Variants in BICD1 observed in about 807,000 individuals in gnomAD.
BICD1 encodes the protein protein bicaudal D homolog 1.
Under a neutral mutation model 92.5 loss-of-function variants are expected in BICD1, and 35 were observed. That is an observed-to-expected ratio of 0.38 (90% CI 0.29 to 0.50). The LOEUF is 0.50. Among genes scored for constraint, BICD1 ranks in the 20% least tolerant of loss-of-function variants. The pLI, the probability that BICD1 is intolerant of heterozygous loss-of-function variation, is 0.93. For missense variants in BICD1, 950 were observed against 1,189.8 expected (o/e 0.80, Z 2.97); for synonymous variants, 429 against 465.1 (o/e 0.92, Z 1.00).
chr12:32,327,885 G>A lies in BICD1; in HGVS notation c.1430G>A (p.Gly477Asp). The A allele has an allele frequency of 6.2e-7, 1 of 1,614,192 alleles. No individual in the cohort carries two copies. Among genetic ancestry groups the A allele is most frequent in the South Asian group, 1.1e-5 (1 of 91,078 alleles). ...TSLEKTTKES[G>D]EKMAHMEKEL... Reference sequence around the variant, plus strand: ...CTTGAGAAGACCACCAAGGAGAGTGGTGAGAAGATGGCCCACATGGAGAAG... The same window carrying A: ...CTTGAGAAGACCACCAAGGAGAGTGATGAGAAGATGGCCCACATGGAGAAG... The change falls in exon 5 of 10, where the codon GGT (glycine) becomes GAT (aspartate). Residue 477 changes from glycine (G) to aspartate (D), a missense_variant. By Grantham distance (94) the Gly-to-Asp change is moderately conservative (BLOSUM62 -1). Transcript: ENST00000652176.
chr12:32,126,617 C>T (rs1178757147), intron 1 of BICD1, among the ~76,000 whole-genome samples: 1 of 151,884 alleles, frequency 6.6e-6, no homozygotes, highest in African/African-American at 2.4e-5. Flanking sequence ...ATTAGTTTGG[C>T]ATGGTGATGC....
chr12:32,353,583 A>C (rs1298957420), intron 8 of BICD1: 2 of 152,078 alleles, frequency 1.3e-5, no homozygotes, highest in Non-Finnish European at 2.9e-5. Flanking sequence ...TTAATGATTA[A>C]AAAAAATGAA....
chr12:32,183,492 C>T (rs181003241), intron 1 of BICD1, among the ~76,000 whole-genome samples: 3 of 152,044 alleles, frequency 2.0e-5, no homozygotes, highest in Admixed American at 2.0e-4. Flanking sequence ...GTCTTGAACT[C>T]CTGACCTTGT....
At chr12:32,245,591 C>A (rs1175610334) in intron 2 of BICD1, among the ~76,000 whole-genome samples, 1 of 152,126 alleles carries the variant, frequency 6.6e-6, no homozygotes, top group Non-Finnish European at 1.5e-5. Flanking sequence ...ATGGCCCTGA[C>A]AAGTTACGTG....
chr12:32,209,842 A>G (rs1397073447), intron 1 of BICD1, among the ~76,000 whole-genome samples: 1 of 152,176 alleles, frequency 6.6e-6, no homozygotes, highest in Non-Finnish European at 1.5e-5. Context: ...GTTGCCCTCT[A>G]TCCCTGTCCA....
chr12:32,153,522 C>T (rs890084654), intron 1 of BICD1, among the ~76,000 whole-genome samples: 1 of 152,066 alleles, frequency 6.6e-6, no homozygotes, highest in African/African-American at 2.4e-5. Context: ...AGATGGAGGC[C>T]AAGGCGGGTG....
chr12:32,135,930 C>T (rs1260868), intron 1 of BICD1, among the ~76,000 whole-genome samples: 120,579 of 152,122 alleles, frequency 0.79, 47,898 homozygotes, highest in Middle Eastern at 0.88. Context: ...AGGATGATAG[C>T]GCAGGACTTG....
chr12:32,160,722 A>G (rs1401510283), intron 1 of BICD1, among the ~76,000 whole-genome samples: 1 of 152,238 alleles, frequency 6.6e-6, no homozygotes, highest in Non-Finnish European at 1.5e-5. Context: ...TATTATATAC[A>G]AGGTAGTAAG....
chr12:32,359,572 G>A (rs1185530365), intron 8 of BICD1, among the ~76,000 whole-genome samples: 2 of 152,068 alleles, frequency 1.3e-5, no homozygotes, highest in Non-Finnish European at 2.9e-5. Context: ...ATTCATGAGA[G>A]CAGACCTTTA....
intron 2 of BICD1, among the ~76,000 whole-genome samples, chr12:32,218,868 C>T (rs1367239441): frequency 6.6e-6 from 1 of 152,158 alleles, no homozygotes; most frequent in South Asian, 2.1e-4. Flanking sequence ...CCAGCAGATA[C>T]ATTTTATTTT....
intron 1 of BICD1, among the ~76,000 whole-genome samples, chr12:32,111,073 A>C (rs1321450965): frequency 6.6e-6 from 1 of 152,236 alleles, no homozygotes; most frequent in Non-Finnish European, 1.5e-5. Context: ...TTAGAAAGGA[A>C]TGATTCAGCA....
intron 1 of BICD1, among the ~76,000 whole-genome samples, chr12:32,114,353 A>G (rs979102966): frequency 6.6e-6 from 1 of 151,984 alleles, no homozygotes; most frequent in African/African-American, 2.4e-5. Context: ...GGAAGCGTAC[A>G]TTGCATGATG....
intron 8 of BICD1, among the ~76,000 whole-genome samples, chr12:32,349,260 G>A (rs1938764893): frequency 6.6e-6 from 1 of 152,176 alleles, no homozygotes; most frequent in Non-Finnish European, 1.5e-5. Context: ...TGCCCCCACT[G>A]TAACTACATA....
At chr12:32,182,432 G>A (rs1007202733) in intron 1 of BICD1, among the ~76,000 whole-genome samples, 8 of 151,350 alleles carry the variant, frequency 5.3e-5, no homozygotes, top group South Asian at 2.1e-4. Flanking sequence ...ACAGGTGGGC[G>A]TCACCATGCC....
At chr12:32,165,332 G>T (rs1348711948) in intron 1 of BICD1, among the ~76,000 whole-genome samples, 1 of 152,136 alleles carries the variant, frequency 6.6e-6, no homozygotes, top group African/African-American at 2.4e-5. Context: ...TGGCTAACAC[G>T]GTGAAACACC....
At chr12:32,357,235 A>C (rs927304355) in intron 8 of BICD1, among the ~76,000 whole-genome samples, 9 of 151,702 alleles carry the variant, frequency 5.9e-5, no homozygotes, top group African/African-American at 1.9e-4. Context: ...CTGGTCTCGA[A>C]CTCCTGACCT....
At chr12:32,259,093 TAA>T (rs1378785565) in intron 2 of BICD1, among the ~76,000 whole-genome samples, 1 of 152,090 alleles carries the variant, frequency 6.6e-6, no homozygotes, top group Non-Finnish European at 1.5e-5. Flanking sequence ...TATGTGGGCG[TAA>T]GAGAGGGCTC....
chr12:32,245,284 T>A (rs2136091403), intron 2 of BICD1, among the ~76,000 whole-genome samples: 1 of 150,686 alleles, frequency 6.6e-6, no homozygotes, highest in East Asian at 2.0e-4. Flanking sequence ...TCTCGCTCTG[T>A]CCCCCAGGCT....
rs35803631 is a variant in BICD1, at chr12:32,233,322, T to TTAAAAAAAAAAAAAA, written c.426+16863_426+16864insTAAAAAAAAAAAAAA. 1.3e-4 allele frequency among the ~76,000 whole-genome samples: 16 copies of TTAAAAAAAAAAAAAA among 127,078 alleles called. 1 individual carries two copies. The highest frequency in any genetic ancestry group is 2.4e-4 in the African/African-American group (8 of 33,994). 83.4% of individuals were successfully genotyped at this position (127,078 alleles called of 152,430 possible). A position where few individuals can be genotyped will look rare whatever the true frequency, so the allele number is the denominator to read the frequency against. On this transcript the variant is annotated intron_variant, in intron 2 of 9. Coordinates refer to ENST00000652176, the MANE Select transcript of BICD1 (RefSeq NM_001714.4). ...GGATGACAGAGCAAGAGTCTGTCTT[T>TTAAAAAAAAAAAAAA]AAAAAAAAAAAAAAAAAAGTAGGCT...
Sources: allele counts gnomAD v4.1 joint callset (sites outside exome capture counted in the v4.1 genomes callset), GRCh38; gene constraint gnomAD v4.1.1; transcripts MANE v1.5; gene names NCBI Gene and HGNC (gene_info 2026-07-23, HGNC 2026-07-21).